GRM5: variants seen among roughly 807,000 people sequenced by gnomAD.
GRM5 encodes the protein metabotropic glutamate receptor 5.
GRM5 carries 19 observed loss-of-function variants against 83.1 expected under a neutral mutation model. The ratio of observed to expected loss-of-function variants is 0.23; its 90% CI spans 0.16 to 0.34. The LOEUF is 0.34. GRM5 is among the 10% of genes least tolerant of loss of function. The pLI is 1.00. For synonymous variants in GRM5, 675 were observed against 633.6 expected (o/e 1.07, Z -0.98); for missense variants, 1,160 against 1,588.3 (o/e 0.73, Z 4.58).
At chr11:89,012,067 A>C (rs1477476504) in intron 2 of GRM5, among the ~76,000 whole-genome samples, 25 of 152,192 alleles carry the variant, frequency 1.6e-4, no homozygotes, top group Admixed American at 1.6e-3. Context: ...TGATCAAAAA[A>C]TTACAATGAA....
intron 4 of GRM5, among the ~76,000 whole-genome samples, chr11:88,649,361 A>T (rs986317262): frequency 5.7e-5 from 8 of 141,476 alleles, no homozygotes; most frequent in Non-Finnish European, 1.1e-4. Flanking sequence ...TACATAATAT[A>T]TTAAATATTA....
chr11:88,630,566 CACACACAA>C (rs11278913), intron 4 of GRM5, among the ~76,000 whole-genome samples: 68,360 of 106,718 alleles, frequency 0.64, 18,225 homozygotes, highest in South Asian at 0.75. Context: ...CACACACACA[CACACACAA>C]ACACACACAC....
chr11:88,828,769 A>T (rs1018230577), intron 3 of GRM5, among the ~76,000 whole-genome samples: 3 of 152,078 alleles, frequency 2.0e-5, no homozygotes, highest in African/African-American at 7.2e-5. Context: ...AAAACTACAA[A>T]TATTAAATAA....
chr11:88,601,929 T>C (rs1938010014), intron 5 of GRM5, among the ~76,000 whole-genome samples: 1 of 152,152 alleles, frequency 6.6e-6, no homozygotes, highest in South Asian at 2.1e-4. Context: ...AAAAAACCTT[T>C]CTTATAAAAA....
chr11:88,602,734 CTG>C (rs1938034527), intron 5 of GRM5, among the ~76,000 whole-genome samples: 1 of 152,174 alleles, frequency 6.6e-6, no homozygotes, highest in Non-Finnish European at 1.5e-5. Context: ...ATTTACTAGA[CTG>C]TGTTTTTGGG....
chr11:88,740,366 C>T lies in GRM5; in HGVS notation c.912-86963G>A, dbSNP rs374437629. Among the ~76,000 whole-genome samples the T allele has an allele frequency of 6.6e-5, 10 of 152,040 alleles. No homozygotes were observed. In the South Asian group the frequency reaches 1.9e-3, roughly 28 times the overall value. On this transcript the variant is annotated intron_variant, in intron 3 of 9. Coordinates refer to ENST00000305447, the MANE Select transcript of GRM5 (RefSeq NM_001143831.3). ...TTATTTACCTTTCTTATTATTGACT[C>T]ATGGATGTTTGTTCAACTAATATTT...
In GRM5 at chr11:88,509,518, G is replaced by C. The variant is rs1941303721; in HGVS notation, c.2727-14C>G. ...TTTCCATTGGAACTGAGGAGAGAAG[G>C]GAGAGGAAAGGTGACTCAGCGAGGT... is the stretch of plus-strand genomic sequence containing the variant. On this transcript the variant is annotated splice_polypyrimidine_tract_variant and intron_variant, in intron 9 of 9. Coordinates refer to ENST00000305447, the MANE Select transcript of GRM5 (RefSeq NM_001143831.3). 1.9e-6 allele frequency: 3 copies of C among 1,599,910 alleles called. No homozygotes were observed. The African/African-American group carries it at 4.0e-5, about 22-fold the overall frequency.
intron 9 of GRM5, among the ~76,000 whole-genome samples, chr11:88,518,262 T>C (rs544279277): frequency 5.9e-4 from 90 of 152,142 alleles, no homozygotes; most frequent in Non-Finnish European, 1.2e-3. Flanking sequence ...TTAATATTTG[T>C]GGTATTTAAT....
intron 4 of GRM5, among the ~76,000 whole-genome samples, chr11:88,607,778 G>T (rs1432231548): frequency 1.3e-5 from 2 of 152,172 alleles, no homozygotes; most frequent in Non-Finnish European, 2.9e-5. Context: ...CCTTGTAATT[G>T]CTGTGTCTTC....
chr11:88,692,500 G>C (rs1385928629), intron 3 of GRM5, among the ~76,000 whole-genome samples: 1 of 152,142 alleles, frequency 6.6e-6, no homozygotes, highest in Non-Finnish European at 1.5e-5. Context: ...ACATCCGAAA[G>C]TCCCATCACT....
At chr11:88,984,124 T>C (rs2135029156) in intron 2 of GRM5, among the ~76,000 whole-genome samples, 1 of 152,260 alleles carries the variant, frequency 6.6e-6, no homozygotes, top group Middle Eastern at 3.4e-3. Flanking sequence ...AAATTTAGTA[T>C]GGCTTAAGTT....
intron 2 of GRM5, among the ~76,000 whole-genome samples, chr11:89,023,562 A>T (rs998999185): frequency 6.6e-6 from 1 of 151,950 alleles, no homozygotes; most frequent in Non-Finnish European, 1.5e-5. Flanking sequence ...AAGAAATTTT[A>T]AGGCCAGGGG....
chr11:88,844,651 C>A (rs1231198676), intron 3 of GRM5, among the ~76,000 whole-genome samples: 3 of 152,142 alleles, frequency 2.0e-5, no homozygotes, highest in Non-Finnish European at 4.4e-5. Flanking sequence ...AAGTTGGAAA[C>A]CTTCTGGAAA....
chr11:88,572,964 A>G (rs1320309072), intron 7 of GRM5, among the ~76,000 whole-genome samples: 5 of 152,168 alleles, frequency 3.3e-5, no homozygotes, highest in Non-Finnish European at 7.4e-5. Flanking sequence ...GCATATTGCC[A>G]TTTCTCTGGT....
chr11:88,797,584 C>T (rs1431949033), intron 3 of GRM5, among the ~76,000 whole-genome samples: 2 of 152,188 alleles, frequency 1.3e-5, no homozygotes, highest in Non-Finnish European at 2.9e-5. Context: ...GATACTAAGA[C>T]ACTGTAAGCA....
intron 7 of GRM5, among the ~76,000 whole-genome samples, chr11:88,576,257 C>T (rs1459718315): frequency 6.6e-6 from 1 of 152,054 alleles, no homozygotes; most frequent in Non-Finnish European, 1.5e-5. Context: ...TTTCTGATTC[C>T]CTGAAGCTGA....
intron 8 of GRM5, among the ~76,000 whole-genome samples, chr11:88,543,666 T>C (rs1942324692): frequency 6.8e-6 from 1 of 147,704 alleles, no homozygotes; most frequent in African/African-American, 2.5e-5. Context: ...TTTCCTGTCC[T>C]CTCTCATCAT....
chr11:88,748,460 AG>A (rs1942190031), intron 3 of GRM5, among the ~76,000 whole-genome samples: 1 of 151,952 alleles, frequency 6.6e-6, no homozygotes, highest in African/African-American at 2.4e-5. Flanking sequence ...CTGAGTTCCC[AG>A]GGGGAGGGGT....
chr11:88,847,101 T>C (rs1380911024), intron 3 of GRM5, among the ~76,000 whole-genome samples: 1 of 152,150 alleles, frequency 6.6e-6, no homozygotes, highest in Non-Finnish European at 1.5e-5. Context: ...AGATGTAAAC[T>C]TTTTCTTACA....
Sources: gnomAD v4.1 joint callset for allele counts (sites outside exome capture counted in the v4.1 genomes callset) on GRCh38, gnomAD v4.1.1 for gene constraint, MANE v1.5 for transcripts, NCBI Gene and HGNC (gene_info 2026-07-23, HGNC 2026-07-21) for gene names.